Variants in ZPBP observed in about 807,000 individuals in gnomAD.
ZPBP encodes zona pellucida binding protein, also known as zona pellucida-binding protein 1.
Under a neutral mutation model 44.8 loss-of-function variants are expected in ZPBP, and 26 were observed. The ratio of observed to expected loss-of-function variants is 0.58; its 90% CI spans 0.43 to 0.81. The LOEUF is 0.81. Among genes scored for constraint, ZPBP ranks in the 30% least tolerant of loss-of-function variants. The probability of loss-of-function intolerance (pLI) is 0.00; values close to 1 mark genes in which losing one functional copy is unlikely to be tolerated. For missense variants in ZPBP, 409 were observed against 434.0 expected, an observed-to-expected ratio of 0.94 and a Z score of 0.51; for synonymous variants, 174 against 153.2, an observed-to-expected ratio of 1.14 and a Z score of -1.00.
intron 2 of ZPBP, 82 bp from the exon 3 acceptor site, chr7:50,081,981 T>C: frequency 1.3e-6 from 2 of 1,492,342 alleles, no homozygotes; most frequent in Admixed American, 1.8e-5. Flanking sequence ...GTAGTTTGGG[T>C]TACATGCAAT....
At chr7:50,032,768 T>TA (rs1393544081) in intron 4 of ZPBP, among the ~76,000 whole-genome samples, 29 of 152,362 alleles carry the variant, frequency 1.9e-4, no homozygotes, top group African/African-American at 7.0e-4. Flanking sequence ...AACTGGTCCC[T>TA]AATAAACATT....
At chr7:49,997,968 A>C (rs1375591787) in intron 6 of ZPBP, among the ~76,000 whole-genome samples, 3 of 151,970 alleles carry the variant, frequency 2.0e-5, no homozygotes, top group Non-Finnish European at 1.5e-5. Context: ...TCCAGGCTGG[A>C]GTACAGTGGT....
chr7:49,901,431 T>C (rs1792718348), intron 1 of ZPBP, among the ~76,000 whole-genome samples: 1 of 151,724 alleles, frequency 6.6e-6, no homozygotes, highest in South Asian at 2.1e-4. Flanking sequence ...AACTGTAATT[T>C]AAAATTAAAT....
At chr7:49,912,209 G>T in intron 1 of ZPBP, 1 of 1,612,218 alleles carries the variant, frequency 6.2e-7, no homozygotes, top group South Asian at 1.1e-5. Flanking sequence ...CACAAACTCT[G>T]ACTTTTTCTA....
At chr7:49,984,445 C>T (rs1797157322) in intron 6 of ZPBP, among the ~76,000 whole-genome samples, 1 of 152,078 alleles carries the variant, frequency 6.6e-6, no homozygotes, top group African/African-American at 2.4e-5. Flanking sequence ...ACCTTTTTGG[C>T]ACTAGGGAAT....
chr7:50,008,136 C>CA (rs1056528290), intron 6 of ZPBP, among the ~76,000 whole-genome samples: 1 of 151,826 alleles, frequency 6.6e-6, no homozygotes, highest in Non-Finnish European at 1.5e-5. Flanking sequence ...GATTCCACAC[C>CA]AAAAAACATA....
chr7:50,063,657 T>C (rs774877608), intron 3 of ZPBP, among the ~76,000 whole-genome samples: 8 of 152,144 alleles, frequency 5.3e-5, no homozygotes, highest in South Asian at 2.1e-4. Context: ...AACTGGAACA[T>C]AGGCCAACTT....
In ZPBP at chr7:49,937,441, T is replaced by A; in HGVS notation, c.*87A>T. The A allele has an allele frequency of 9.7e-7, 1 of 1,029,358 alleles. No individual in the cohort carries two copies. The allele number at this position is 1,029,358 out of a possible 1,614,324, so 63.8% of individuals were successfully genotyped here. A position where few individuals can be genotyped will look rare whatever the true frequency, so the allele number is the denominator to read the frequency against. ...TGACACATTTTTTTGTAAAATATGA[T>A]TAATTTTGGCATAATAATTTATTAT... On this transcript the variant is annotated 3_prime_UTR_variant, in exon 8 of 8. Transcript: ENST00000046087.
chr7:50,055,572 A>G (rs1800898975), intron 4 of ZPBP, among the ~76,000 whole-genome samples: 1 of 152,118 alleles, frequency 6.6e-6, no homozygotes, highest in South Asian at 2.1e-4. Context: ...AAGTCACTTA[A>G]CCACTCTGTT....
At chr7:49,876,482 C>A (rs1791418377) in intron 2 of ZPBP, among the ~76,000 whole-genome samples, 1 of 152,042 alleles carries the variant, frequency 6.6e-6, no homozygotes, top group African/African-American at 2.4e-5. Flanking sequence ...TCTTTTAAGA[C>A]CACAAACTCA....
chr7:49,959,230 G>C (rs1049264715), intron 7 of ZPBP, among the ~76,000 whole-genome samples: 2 of 146,158 alleles, frequency 1.4e-5, no homozygotes, highest in East Asian at 2.0e-4. Context: ...ATTTAACACT[G>C]TACTAGAGGA....
intron 2 of ZPBP, among the ~76,000 whole-genome samples, chr7:49,892,028 T>C (rs1454654179): frequency 7.5e-6 from 1 of 133,058 alleles, no homozygotes; most frequent in African/African-American, 2.8e-5. Context: ...ACAGACAAAG[T>C]AGATTTTTTT....
intron 4 of ZPBP, among the ~76,000 whole-genome samples, chr7:50,049,073 T>A (rs934182010): frequency 3.3e-5 from 5 of 151,920 alleles, no homozygotes; most frequent in African/African-American, 1.2e-4. Flanking sequence ...TAGACACATT[T>A]AGATAAAATA....
At chr7:49,887,671 C>T (rs1012623481) in intron 2 of ZPBP, among the ~76,000 whole-genome samples, 8 of 148,308 alleles carry the variant, frequency 5.4e-5, no homozygotes, top group Middle Eastern at 6.8e-3. Context: ...TCTAAAATTT[C>T]GGTGAATTAT....
Position 50,021,747 on chromosome 7 carries a change from A to T in ZPBP, c.707-3431T>A, listed in dbSNP as rs1799102639. On this transcript the variant is annotated intron_variant, in intron 5 of 7. Transcript: ENST00000046087. ...TCAAAAATCAAAGACAGAAGCTTCTAGGTTGCTGAACATGCAGAGATACTG... is the reference window on the plus strand; with the variant it reads ...TCAAAAATCAAAGACAGAAGCTTCTTGGTTGCTGAACATGCAGAGATACTG... 2.0e-5 allele frequency among the ~76,000 whole-genome samples: 3 copies of T among 152,274 alleles called. No homozygotes were observed. The South Asian group carries it at 6.2e-4, about 32-fold the overall frequency.
intron 6 of ZPBP, among the ~76,000 whole-genome samples, chr7:49,999,682 G>C (rs1288620060): frequency 7.3e-6 from 1 of 136,842 alleles, no homozygotes; most frequent in Non-Finnish European, 1.6e-5. Context: ...GGATGTTCCA[G>C]CTCAAACAGA....
intron 3 of ZPBP, among the ~76,000 whole-genome samples, chr7:50,076,059 C>A (rs1802061587): frequency 6.6e-6 from 1 of 151,770 alleles, no homozygotes; most frequent in African/African-American, 2.4e-5. Flanking sequence ...TTTATCATTA[C>A]CAAGTGGGAC....
At chr7:49,858,344 G>T (rs1790508235) in intron 2 of ZPBP, among the ~76,000 whole-genome samples, 1 of 151,972 alleles carries the variant, frequency 6.6e-6, no homozygotes, top group African/African-American at 2.4e-5. Context: ...AGAAAATGTG[G>T]CACATATACA....
chr7:49,851,264 T>A (rs1790169043), intron 2 of ZPBP, among the ~76,000 whole-genome samples: 1 of 152,186 alleles, frequency 6.6e-6, no homozygotes, highest in African/African-American at 2.4e-5. Flanking sequence ...ACTTGGGTAA[T>A]CCAGGATGAT....
Sources: gnomAD v4.1 joint callset for allele counts (sites outside exome capture counted in the v4.1 genomes callset) on GRCh38, gnomAD v4.1.1 for gene constraint, MANE v1.5 for transcripts, NCBI Gene and HGNC (gene_info 2026-07-23, HGNC 2026-07-21) for gene names.